The following MARCHF11 variants were observed in gnomAD, a reference collection of about 807,000 sequenced individuals.
MARCHF11 encodes membrane associated ring-CH-type finger 11.
MARCHF11 carries 29 observed loss-of-function variants against 37.3 expected under a neutral mutation model. The observed-to-expected ratio is 0.78, with a 90% CI of 0.58 to 1.06. MARCHF11 has a LOEUF of 1.06. Ranked by LOEUF, MARCHF11 falls within the 50% of genes least tolerant of loss-of-function variation. The pLI is 0.00. For missense variants in MARCHF11, 482 were observed against 533.4 expected, an observed-to-expected ratio of 0.90 and a Z score of 0.95; for synonymous variants, 233 against 228.0, an observed-to-expected ratio of 1.02 and a Z score of -0.20.
intron 2 of MARCHF11, among the ~76,000 whole-genome samples, chr5:16,119,471 G>A (rs1737277108): frequency 6.6e-6 from 1 of 152,064 alleles, no homozygotes; most frequent in African/African-American, 2.4e-5. Context: ...GTACCCTGAG[G>A]AGGCTGGCAT....
intron 2 of MARCHF11, among the ~76,000 whole-genome samples, chr5:16,171,888 C>A (rs187715963): frequency 1.0e-3 from 159 of 152,296 alleles, no homozygotes; most frequent in African/African-American, 3.1e-3. Flanking sequence ...CTACAGGAAG[C>A]TGTGTGGAGG....
At chr5:16,155,711 G>T (rs571149023) in intron 2 of MARCHF11, among the ~76,000 whole-genome samples, 8 of 151,824 alleles carry the variant, frequency 5.3e-5, no homozygotes, top group Non-Finnish European at 1.2e-4. Flanking sequence ...GCTTGTTCTT[G>T]CCCGATTTTT....
chr5:16,123,963 G>C (rs1579395670), intron 2 of MARCHF11, among the ~76,000 whole-genome samples: 1 of 152,132 alleles, frequency 6.6e-6, no homozygotes, highest in Non-Finnish European at 1.5e-5. Flanking sequence ...ACTGTGTGGG[G>C]GAAGTCCAGC....
chr5:16,178,934 T>C, intron 1 of MARCHF11, 105 bp downstream of exon 1: 2 of 1,294,354 alleles, frequency 1.5e-6, no homozygotes, highest in Non-Finnish European at 2.0e-6. Flanking sequence ...CGAGCCTCAC[T>C]GGAGGCAAAC....
chr5:16,141,843 C>T (rs1737712991), intron 2 of MARCHF11, among the ~76,000 whole-genome samples: 1 of 152,222 alleles, frequency 6.6e-6, no homozygotes, highest in Non-Finnish European at 1.5e-5. Flanking sequence ...GTGCAAAGCA[C>T]TTTGCAGTAT....
chr5:16,178,651 G>C (rs917652219), intron 1 of MARCHF11, among the ~76,000 whole-genome samples: 2 of 152,162 alleles, frequency 1.3e-5, no homozygotes, highest in African/African-American at 4.8e-5. Context: ...TATGACATCT[G>C]TCTCAAGATA....
chr5:16,172,581 C>T (rs961201801), intron 2 of MARCHF11, among the ~76,000 whole-genome samples: 5 of 152,162 alleles, frequency 3.3e-5, no homozygotes, highest in Admixed American at 1.3e-4. Flanking sequence ...ATGCAAATGT[C>T]TTGAATGATT....
Position 16,067,217 on chromosome 5 carries a change from A to T in MARCHF11, c.*254T>A. On this transcript the variant is annotated 3_prime_UTR_variant, in exon 4 of 4. Transcript: ENST00000332432. ...TAAGGATAACTTTCATTATTCTTTTAACCAAGTATAGTTAAATTATATGTA... is the reference window on the plus strand; with the variant it reads ...TAAGGATAACTTTCATTATTCTTTTTACCAAGTATAGTTAAATTATATGTA... 2.8e-6 allele frequency: 1 copy of T among 360,526 alleles called. No individual in the cohort carries two copies. 22.3% of individuals were successfully genotyped at this position (360,526 alleles called of 1,614,324 possible).
At chr5:16,093,176 G>A (rs907267260) in intron 2 of MARCHF11, among the ~76,000 whole-genome samples, 3 of 152,094 alleles carry the variant, frequency 2.0e-5, no homozygotes, top group African/African-American at 4.8e-5. Context: ...ATGGTGGGCC[G>A]CATGTTCGAA....
chr5:16,149,542 T>C (rs1737855113), intron 2 of MARCHF11, among the ~76,000 whole-genome samples: 1 of 152,094 alleles, frequency 6.6e-6, no homozygotes, highest in East Asian at 1.9e-4. Context: ...GACTGCTTGA[T>C]GGCCCAAATT....
chr5:16,170,003 A>T (rs1021927046), intron 2 of MARCHF11, among the ~76,000 whole-genome samples: 2 of 152,126 alleles, frequency 1.3e-5, no homozygotes, highest in Admixed American at 6.5e-5. Context: ...AGGAGGAAAT[A>T]GCCTGTTGTC....
At chr5:16,135,942 G>T (rs866024730) in intron 2 of MARCHF11, among the ~76,000 whole-genome samples, 1 of 150,984 alleles carries the variant, frequency 6.6e-6, no homozygotes, top group Non-Finnish European at 1.5e-5. Flanking sequence ...AAAGGAGAAG[G>T]AAGCACAGAG....
intron 2 of MARCHF11, among the ~76,000 whole-genome samples, chr5:16,162,945 CGTT>C (rs1409599739): frequency 6.6e-6 from 1 of 151,790 alleles, no homozygotes; most frequent in African/African-American, 2.4e-5. Flanking sequence ...CATAGAGTAG[CGTT>C]GTTGCTTATA....
intron 2 of MARCHF11, among the ~76,000 whole-genome samples, chr5:16,150,032 G>A (rs1402006455): frequency 1.3e-5 from 2 of 149,122 alleles, no homozygotes; most frequent in African/African-American, 5.2e-5. Context: ...CTGTCTACTC[G>A]GAGGGAATAC....
intron 2 of MARCHF11, among the ~76,000 whole-genome samples, chr5:16,147,549 C>T (rs915167422): frequency 6.6e-6 from 1 of 152,136 alleles, no homozygotes; most frequent in Admixed American, 6.6e-5. Flanking sequence ...CTAGACACGG[C>T]CTGGGCACTA....
intron 2 of MARCHF11, among the ~76,000 whole-genome samples, chr5:16,158,215 ACT>A (rs1048740393): frequency 2.6e-5 from 4 of 151,966 alleles, no homozygotes; most frequent in Non-Finnish European, 5.9e-5. Context: ...GCACTCACAC[ACT>A]GTTAGTGGGA....
At chr5:16,115,089 T>C (rs1737208149) in intron 2 of MARCHF11, among the ~76,000 whole-genome samples, 1 of 152,210 alleles carries the variant, frequency 6.6e-6, no homozygotes, top group Admixed American at 6.5e-5. Context: ...AATTAAATCA[T>C]GAATCTTGAC....
chr5:16,150,962 CT>C (rs1737878665), intron 2 of MARCHF11, among the ~76,000 whole-genome samples: 1 of 152,046 alleles, frequency 6.6e-6, no homozygotes, highest in African/African-American at 2.4e-5. Context: ...AACTCAAGTG[CT>C]TCCCACTGCA....
intron 2 of MARCHF11, among the ~76,000 whole-genome samples, chr5:16,154,364 A>T (rs543594875): frequency 6.6e-6 from 1 of 152,150 alleles, no homozygotes; most frequent in East Asian, 1.9e-4. Context: ...ACATTTACAT[A>T]AATTATCCAG....
Sources: gnomAD v4.1 joint callset for allele counts (sites outside exome capture counted in the v4.1 genomes callset) on GRCh38, gnomAD v4.1.1 for gene constraint, MANE v1.5 for transcripts, NCBI Gene and HGNC (gene_info 2026-07-23, HGNC 2026-07-21) for gene names.